PAX5: variants seen among roughly 807,000 people sequenced by gnomAD.
PAX5 encodes the protein paired box protein Pax-5.
A neutral mutation model predicts 43.7 loss-of-function variants in PAX5; 9 were observed. That is an observed-to-expected ratio of 0.21 (90% CI 0.12 to 0.36). The LOEUF is 0.36. PAX5 is among the 10% of genes least tolerant of loss of function. The pLI is 1.00. For synonymous variants in PAX5, 228 were observed against 214.3 expected, an observed-to-expected ratio of 1.06 and a Z score of -0.56; for missense variants, 383 against 532.7, an observed-to-expected ratio of 0.72 and a Z score of 2.77.
At chr9:37,002,876 C>A (rs1188947114) in intron 4 of PAX5, 100 bp from the exon 5 acceptor site, 15 of 1,414,794 alleles carry the variant, frequency 1.1e-5, no homozygotes, top group East Asian at 2.5e-5. Flanking sequence ...AGGGAGCGAG[C>A]GCAGGGTGGG....
At chr9:36,889,702 T>C (rs1055038439) in intron 7 of PAX5, among the ~76,000 whole-genome samples, 1 of 152,216 alleles carries the variant, frequency 6.6e-6, no homozygotes, top group South Asian at 2.1e-4. Context: ...TCCCTTGCAC[T>C]GGCCTGGCAC....
At chr9:36,852,283 C>T (rs1169079893) in intron 8 of PAX5, among the ~76,000 whole-genome samples, 1 of 152,150 alleles carries the variant, frequency 6.6e-6, no homozygotes, top group Non-Finnish European at 1.5e-5. Flanking sequence ...AACCCAGTGA[C>T]AGAAAGAAAT....
intron 5 of PAX5, among the ~76,000 whole-genome samples, chr9:36,973,179 G>C (rs1835122803): frequency 1.4e-5 from 2 of 145,310 alleles, no homozygotes; most frequent in East Asian, 2.0e-4. Flanking sequence ...GGAAAGGAAA[G>C]GAAAGGAAAA....
chr9:36,897,576 C>T lies in PAX5; in HGVS notation c.911-15471G>A, dbSNP rs1353395417. ...AAAAAATCACTAAATGCCTATTCTG[C>T]AGGTGAGAAGAAGAAACTCCTGCAA... On this transcript the variant is annotated intron_variant, in intron 7 of 9. Transcript: ENST00000358127. Among the ~76,000 whole-genome samples the T allele has an allele frequency of 2.0e-5, 3 of 152,250 alleles. No homozygotes were observed. In the East Asian group the frequency reaches 5.8e-4, roughly 29 times the overall value.
chr9:36,920,233 G>A (rs1252029664), intron 7 of PAX5, among the ~76,000 whole-genome samples: 1 of 152,212 alleles, frequency 6.6e-6, no homozygotes. Flanking sequence ...TAGTGGCAAG[G>A]TTTGAGAGAG....
In PAX5 at chr9:36,838,417, C is replaced by T. The variant is rs1024522471; in HGVS notation, c.*2143G>A. 1 of 232,876 alleles carries T rather than the reference C, an allele frequency of 4.3e-6. No homozygotes were observed. Among genetic ancestry groups the T allele is most frequent in the Non-Finnish European group, 8.5e-6 (1 of 117,850 alleles). The allele number at this position is 232,876 out of a possible 1,614,324, so 14.4% of individuals were successfully genotyped here. ...TCAGGAGCCCGAGTCCCAGCCCCAC[C>T]CCCACCAGTCACTGCTTGAGGACTC... On this transcript the variant is annotated 3_prime_UTR_variant, in exon 10 of 10. Transcript: ENST00000358127.
Position 36,980,755 on chromosome 9 carries a change from G to T in PAX5, c.605-14031C>A, listed in dbSNP as rs528835774. Among the ~76,000 whole-genome samples the T allele has an allele frequency of 2.1e-4, 32 of 152,266 alleles. 1 individual carries two copies. The South Asian group carries it at 6.4e-3, about 31-fold the overall frequency. On this transcript the variant is annotated intron_variant, in intron 5 of 9. Coordinates refer to ENST00000358127, the MANE Select transcript of PAX5 (RefSeq NM_016734.3). ...GAATGGCTATCCAGAGAAGGGGGCA[G>T]GTTCGGGAGGTGATTAGGAGAGAAG...
At chr9:37,032,008 G>A (rs1841030265) in intron 1 of PAX5, among the ~76,000 whole-genome samples, 1 of 152,166 alleles carries the variant, frequency 6.6e-6, no homozygotes, top group South Asian at 2.1e-4. Flanking sequence ...CTCCAGCCCT[G>A]ACCCAGGCTG....
intron 5 of PAX5, among the ~76,000 whole-genome samples, chr9:36,994,240 C>G (rs764496857): frequency 3.9e-5 from 6 of 152,212 alleles, no homozygotes; most frequent in Admixed American, 1.3e-4. Context: ...AAGATCAGGA[C>G]AGAGATCACA....
At position 36,848,356 on chromosome 9, in the gene PAX5, A is replaced by ACACACACACACC. The variant is rs1289703054; in HGVS notation, c.1013-1428_1013-1427insGGTGTGTGTGTG. ...AACCACAGGCAGAGCGTGTCCACACACACACACACACACACACACACACAC... is the reference window on the plus strand; with the variant it reads ...AACCACAGGCAGAGCGTGTCCACACACACACACACACCCACACACACACACACACACACACAC... On this transcript the variant is annotated intron_variant, in intron 8 of 9. Coordinates refer to ENST00000358127, the MANE Select transcript of PAX5 (RefSeq NM_016734.3). 4.6e-5 allele frequency among the ~76,000 whole-genome samples: 7 copies of ACACACACACACC among 150,828 alleles called. No individual in the cohort carries two copies. The East Asian group carries it at 1.4e-3, about 30-fold the overall frequency.
intron 4 of PAX5, among the ~76,000 whole-genome samples, chr9:37,003,245 C>T (rs550067351): frequency 1.3e-5 from 2 of 150,452 alleles, no homozygotes; most frequent in Non-Finnish European, 3.0e-5. Flanking sequence ...TGGGTGCAAA[C>T]ACAACTACCT....
intron 7 of PAX5, among the ~76,000 whole-genome samples, chr9:36,900,410 G>T (rs1828275289): frequency 6.6e-6 from 1 of 152,234 alleles, no homozygotes; most frequent in Admixed American, 6.5e-5. Flanking sequence ...TAGTCCTGCA[G>T]CATGGGCCAG....
intron 3 of PAX5, among the ~76,000 whole-genome samples, chr9:37,009,863 T>G (rs559426642): frequency 6.6e-6 from 1 of 152,042 alleles, no homozygotes; most frequent in African/African-American, 2.4e-5. Flanking sequence ...AAAGCACAAG[T>G]GGCCCCCTTG....
At chr9:36,858,041 C>T in intron 8 of PAX5, among the ~76,000 whole-genome samples, 1 of 152,244 alleles carries the variant, frequency 6.6e-6, no homozygotes, top group Non-Finnish European at 1.5e-5. Context: ...GCCCAGCAGC[C>T]ACTTAGCTGG....
intron 1 of PAX5, among the ~76,000 whole-genome samples, chr9:37,025,889 G>T (rs1840303619): frequency 6.6e-6 from 1 of 152,288 alleles, no homozygotes; most frequent in Non-Finnish European, 1.5e-5. Context: ...AAGGCGTCCT[G>T]CAGAGAAGGA....
chr9:36,843,089 T>C (rs1056132286), intron 9 of PAX5, among the ~76,000 whole-genome samples: 49 of 151,770 alleles, frequency 3.2e-4, no homozygotes, highest in Non-Finnish European at 6.9e-4. Context: ...CCTGTGTGTG[T>C]GTGCGTGTGT....
intron 5 of PAX5, among the ~76,000 whole-genome samples, chr9:36,984,435 CTTTTT>C (rs10663927): frequency 1.5e-5 from 1 of 66,882 alleles, no homozygotes; most frequent in Admixed American, 2.4e-4. Context: ...TTGAACCTCT[CTTTTT>C]TTTTTTTTTT....
chr9:37,016,484 T>G (rs1291538465), intron 2 of PAX5, among the ~76,000 whole-genome samples: 1 of 152,174 alleles, frequency 6.6e-6, no homozygotes, highest in Non-Finnish European at 1.5e-5. Flanking sequence ...CATTTGCTCA[T>G]TAAGGAAAAT....
Position 36,840,538 on chromosome 9 carries a change from G to A in PAX5, c.*22C>T. 4 of 1,571,134 alleles carry A rather than the reference G, an allele frequency of 2.5e-6. No individual in the cohort carries two copies. The highest frequency in any genetic ancestry group is 3.5e-6 in the Non-Finnish European group (4 of 1,158,466). ...CCCTCAATAGGTGCCATCAGTGTTT[G>A]GTGCCCGCCTGGCTCCAAGGGTCAG... is the stretch of plus-strand genomic sequence containing the variant. On this transcript the variant is annotated 3_prime_UTR_variant, in exon 10 of 10. Transcript: ENST00000358127.
Sources: gnomAD v4.1 joint callset for allele counts (sites outside exome capture counted in the v4.1 genomes callset) on GRCh38, gnomAD v4.1.1 for gene constraint, MANE v1.5 for transcripts, NCBI Gene and HGNC (gene_info 2026-07-23, HGNC 2026-07-21) for gene names.